PELP1: variants seen among roughly 807,000 people sequenced by gnomAD.
PELP1 encodes the protein proline-, glutamic acid- and leucine-rich protein 1.
PELP1 carries 32 observed loss-of-function variants against 95.5 expected under a neutral mutation model. The observed-to-expected ratio is 0.34, with a 90% CI of 0.25 to 0.45. The LOEUF is 0.45. PELP1 is among the 20% of genes least tolerant of loss of function. PELP1 has a pLI of 1.00. For synonymous variants in PELP1, 668 were observed against 600.1 expected (o/e 1.11, Z -1.65); for missense variants, 1,358 against 1,444.8 (o/e 0.94, Z 0.97).
chr17:4,676,535 CAG>C, intron 6 of PELP1, 28 bp from the exon 7 acceptor site: 1 of 1,611,678 alleles, frequency 6.2e-7, no homozygotes, highest in Non-Finnish European at 8.5e-7. Flanking sequence ...GAAACCTGGT[CAG>C]ATGGGAATCC....
At position 4,672,297 on chromosome 17, in the gene PELP1, TTCTTCCTCTTCTTCC is replaced by T. The variant is rs1912247220; in HGVS notation, c.2679_2693del (p.Glu904_Glu908del). 4.5e-6 allele frequency: 7 copies of T among 1,550,860 alleles called. No homozygotes were observed. Among genetic ancestry groups the T allele is most frequent in the African/African-American group, 4.1e-5 (3 of 72,924 alleles). ...CCTCTTCCTCTTCTTCCTCTTCTTC[TTCTTCCTCTTCTTCC>T]TCTTCCTCCTCCTCTTCATCACTGC... On this transcript the variant is annotated inframe_deletion, in exon 16 of 17. Transcript: ENST00000572293.
chr17:4,698,191 A>G (rs1913369227), intron 1 of PELP1, among the ~76,000 whole-genome samples: 1 of 151,998 alleles, frequency 6.6e-6, no homozygotes, highest in South Asian at 2.1e-4. Flanking sequence ...GAAAACGCAC[A>G]AATCTCCAGT....
chr17:4,677,274 C>T (rs1912520698), intron 5 of PELP1, among the ~76,000 whole-genome samples: 3 of 152,134 alleles, frequency 2.0e-5, no homozygotes, highest in Admixed American at 1.3e-4. Flanking sequence ...CAGCAAGTCT[C>T]GGAGTAGCAA....
chr17:4,692,097 G>T (rs977079059), intron 1 of PELP1, among the ~76,000 whole-genome samples: 1 of 152,168 alleles, frequency 6.6e-6, no homozygotes, highest in African/African-American at 2.4e-5. Context: ...GAGGTTACGT[G>T]AAGGAATACA....
At chr17:4,684,592 T>C (rs550556938) in intron 3 of PELP1, among the ~76,000 whole-genome samples, 19 of 131,464 alleles carry the variant, frequency 1.4e-4, no homozygotes, top group African/African-American at 5.5e-4. Context: ...TGTCACTCGC[T>C]TTATCTCCCT....
intron 3 of PELP1, among the ~76,000 whole-genome samples, chr17:4,686,319 T>A (rs915395415): frequency 6.6e-6 from 1 of 152,168 alleles, no homozygotes; most frequent in Non-Finnish European, 1.5e-5. Flanking sequence ...TCGATGCTAA[T>A]CTATCCTCAG....
intron 1 of PELP1, among the ~76,000 whole-genome samples, chr17:4,703,467 A>C (rs540887876): frequency 1.2e-3 from 189 of 152,322 alleles, no homozygotes; most frequent in African/African-American, 4.2e-3. Flanking sequence ...CGCCTAGTAC[A>C]GTATCTGACC....
chr17:4,699,305 G>A (rs935719368), intron 1 of PELP1, among the ~76,000 whole-genome samples: 1 of 151,950 alleles, frequency 6.6e-6, no homozygotes, highest in South Asian at 2.1e-4. Context: ...ACGTGAACCC[G>A]GGAGGCAGAG....
intron 5 of PELP1, among the ~76,000 whole-genome samples, chr17:4,679,991 C>T (rs778950628): frequency 4.6e-5 from 7 of 152,154 alleles, no homozygotes; most frequent in African/African-American, 7.2e-5. Context: ...CCCAGGCCAG[C>T]GAGCTACACA....
intron 1 of PELP1, among the ~76,000 whole-genome samples, chr17:4,695,501 C>T (rs1162496125): frequency 6.6e-6 from 1 of 150,892 alleles, no homozygotes; most frequent in Non-Finnish European, 1.5e-5. Context: ...ACCATCTCTA[C>T]AAAAATTTTT....
chr17:4,674,155 A>G (rs1336381644), intron 13 of PELP1, among the ~76,000 whole-genome samples: 1 of 152,218 alleles, frequency 6.6e-6, no homozygotes, highest in African/African-American at 2.4e-5. Flanking sequence ...AAGTGGATAC[A>G]CCAAGGACGT....
chr17:4,702,566 T>C (rs987022671), intron 1 of PELP1, among the ~76,000 whole-genome samples: 2 of 152,184 alleles, frequency 1.3e-5, no homozygotes, highest in Non-Finnish European at 1.5e-5. Context: ...GCCTCTGATA[T>C]TGGGCTGAGA....
Position 4,676,164 on chromosome 17 carries a change from T to TGGCAGA in PELP1, c.854-8_854-3dup, listed in dbSNP as rs759823416. On this transcript the variant is annotated splice_polypyrimidine_tract_variant and splice_region_variant and intron_variant, in intron 7 of 16. Coordinates refer to ENST00000572293, the MANE Select transcript of PELP1 (RefSeq NM_014389.3). ...CAGGGCCTTCATTCTGCACAGGAGCTGGCAGAAGCACAACTACCCTGTACA... is the reference window on the plus strand; with the variant it reads ...CAGGGCCTTCATTCTGCACAGGAGCTGGCAGAGGCAGAAGCACAACTACCCTGTACA... 12 of 1,613,638 alleles carry TGGCAGA rather than the reference T, an allele frequency of 7.4e-6. No homozygotes were observed. The African/African-American group carries it at 1.3e-4, about 18-fold the overall frequency.
At chr17:4,684,376 C>T (rs1912831321) in intron 3 of PELP1, among the ~76,000 whole-genome samples, 1 of 152,150 alleles carries the variant, frequency 6.6e-6, no homozygotes, top group Non-Finnish European at 1.5e-5. Flanking sequence ...ACAGAAAAAA[C>T]TGAAGCCCAG....
At chr17:4,691,466 C>A (rs1913096286) in intron 1 of PELP1, 24 bp from the exon 2 acceptor site, 1 of 1,588,330 alleles carries the variant, frequency 6.3e-7, no homozygotes, top group Non-Finnish European at 8.6e-7. Flanking sequence ...AACAGGGAAG[C>A]GAGTCACAAA....
At chr17:4,700,818 G>A (rs1254421200) in intron 1 of PELP1, among the ~76,000 whole-genome samples, 6 of 151,326 alleles carry the variant, frequency 4.0e-5, no homozygotes, top group Admixed American at 6.6e-5. Flanking sequence ...CCAGCTACTC[G>A]GGAGGCTGAG....
chr17:4,701,015 A>AAAAAAAAAAAAG (rs71367847), intron 1 of PELP1, among the ~76,000 whole-genome samples: 1 of 131,194 alleles, frequency 7.6e-6, no homozygotes, highest in Non-Finnish European at 1.7e-5. Flanking sequence ...AAAAAAAAAA[A>AAAAAAAAAAAAG]GCCAAGCTAT....
chr17:4,687,521 A>G (rs1164397926), intron 3 of PELP1, among the ~76,000 whole-genome samples: 1 of 135,754 alleles, frequency 7.4e-6, no homozygotes, highest in Non-Finnish European at 1.6e-5. Flanking sequence ...AAAAAAAAAA[A>G]GTATCTTCAA....
intron 2 of PELP1, 58 bp from the exon 3 acceptor site, chr17:4,691,051 G>T: frequency 8.1e-7 from 1 of 1,233,274 alleles, no homozygotes; most frequent in Non-Finnish European, 1.2e-6. Context: ...CAGAGAAAGT[G>T]ACTGCTCTTT....
Sources: allele counts gnomAD v4.1 joint callset (sites outside exome capture counted in the v4.1 genomes callset), GRCh38; gene constraint gnomAD v4.1.1; transcripts MANE v1.5; gene names NCBI Gene and HGNC (gene_info 2026-07-23, HGNC 2026-07-21).